Variants in DHODH observed in about 807,000 individuals in gnomAD.
The protein encoded by DHODH is dihydroorotate dehydrogenase (quinone).
DHODH carries 30 observed loss-of-function variants against 39.7 expected under a neutral mutation model. The observed-to-expected ratio is 0.76, with a 90% confidence interval of 0.57 to 1.02. DHODH has a LOEUF of 1.02. Among genes scored for constraint, DHODH ranks in the 50% least tolerant of loss-of-function variants. The pLI is 0.00. For missense variants in DHODH, 531 were observed against 520.8 expected (o/e 1.02, Z -0.19); for synonymous variants, 222 against 213.8 (o/e 1.04, Z -0.34).
At position 72,026,149 on chromosome 16, in the gene DHODH, T is replaced by TG. The variant is rs2041275024; in HGVS notation, c.*1953dup. On this transcript the variant is annotated 3_prime_UTR_variant, in exon 9 of 9. Transcript: ENST00000219240. ...CCCTGCGGGGTCACTTTCCTCAGCCTGGGCTCCGACATGCCACGTCAGGTG... is the reference window on the plus strand; with the variant it reads ...CCCTGCGGGGTCACTTTCCTCAGCCTGGGGCTCCGACATGCCACGTCAGGTG... 1.3e-5 allele frequency: 2 copies of TG among 152,462 alleles called. No individual in the cohort carries two copies. The highest frequency in any genetic ancestry group is 3.9e-4 in the East Asian group (2 of 5,180). 9.4% of individuals were successfully genotyped at this position (152,462 alleles called of 1,614,324 possible).
chr16:72,015,632 G>A, intron 3 of DHODH: 1 of 951,812 alleles, frequency 1.1e-6, no homozygotes, highest in South Asian at 4.9e-5. Context: ...TTGTTTCAGG[G>A]AAATTCTCCA....
intron 2 of DHODH, among the ~76,000 whole-genome samples, chr16:72,012,921 T>C (rs1395580524): frequency 6.6e-6 from 1 of 152,174 alleles, no homozygotes; most frequent in Admixed American, 6.5e-5. Flanking sequence ...AGGGCCTCTG[T>C]TTCATGTGAC....
chr16:72,023,311 C>T lies in DHODH; in HGVS notation c.966C>T (p.Leu322=). 6.2e-7 allele frequency: 1 copy of T among 1,614,172 alleles called. No homozygotes were observed. The highest frequency in any genetic ancestry group is 8.5e-7 in the Non-Finnish European group (1 of 1,180,046). ...AAACCATTCGGGAGATGTATGCACT[C>T]ACCCAAGGCAAGGTTTCCCGTGTTT... ...STQTIREMYA[L]TQGRVPIIGV... Residue 322 remains leucine, a synonymous_variant, in exon 7 of 9, where the codon CTC becomes CTT. Coordinates refer to ENST00000219240, the MANE Select transcript of DHODH (RefSeq NM_001361.5).
At chr16:72,021,956 G>C (rs1191311281) in intron 5 of DHODH, among the ~76,000 whole-genome samples, 1 of 152,110 alleles carries the variant, frequency 6.6e-6, no homozygotes, top group Admixed American at 6.5e-5. Context: ...AGCTGGGCAT[G>C]GTGGTGCACA....
In DHODH at chr16:72,023,462, G is replaced by C; in HGVS notation, c.974-12G>C. 6.2e-7 allele frequency: 1 copy of C among 1,614,164 alleles called. No individual in the cohort carries two copies. Among genetic ancestry groups the C allele is most frequent in the Non-Finnish European group, 8.5e-7 (1 of 1,180,044 alleles). ...ATCCTTCTTTATGGTGTCGCCATGT[G>C]CTTCTCTGTAGGCCGAGTTCCCATA... On this transcript the variant is annotated splice_polypyrimidine_tract_variant and intron_variant, in intron 7 of 8. Coordinates refer to ENST00000219240, the MANE Select transcript of DHODH (RefSeq NM_001361.5).
At position 72,024,313 on chromosome 16, in the gene DHODH, G is replaced by A; in HGVS notation, c.*114G>A. 1 of 1,163,944 alleles carries A rather than the reference G, an allele frequency of 8.6e-7. No individual in the cohort carries two copies. The highest frequency in any genetic ancestry group is 1.3e-6 in the Non-Finnish European group (1 of 783,118). 72.1% of individuals were successfully genotyped at this position (1,163,944 alleles called of 1,614,324 possible). A position where few individuals can be genotyped will look rare whatever the true frequency, so the allele number is the denominator to read the frequency against. ...TCTTGAGCCATGTCCCCCAGCCATGGCATGGCTGCACTGTAAACGCCAATC... is the reference window on the plus strand; with the variant it reads ...TCTTGAGCCATGTCCCCCAGCCATGACATGGCTGCACTGTAAACGCCAATC... On this transcript the variant is annotated 3_prime_UTR_variant, in exon 9 of 9. Transcript: ENST00000219240.
At position 72,014,684 on chromosome 16, in the gene DHODH, G is replaced by A. The variant is rs2041121178; in HGVS notation, c.434+12G>A. ...GCTGTCATTAACAGGTAGGTGAGCG[G>A]CCCAGAGTTAACGGGGGATGCCCTC... On this transcript the variant is annotated intron_variant, in intron 3 of 8. Transcript: ENST00000219240. 6.2e-7 allele frequency: 1 copy of A among 1,613,684 alleles called. No individual in the cohort carries two copies. The highest frequency in any genetic ancestry group is 1.3e-5 in the African/African-American group (1 of 74,920).
At chr16:72,017,670 G>C (rs184666382) in intron 4 of DHODH, among the ~76,000 whole-genome samples, 1 of 152,046 alleles carries the variant, frequency 6.6e-6, no homozygotes, top group East Asian at 1.9e-4. Context: ...TCAATACTTT[G>C]GGTGCCCAAG....
Position 72,012,264 on chromosome 16 carries a change from T to C in DHODH, c.234+2T>C. On this transcript the variant is annotated splice_donor_variant, in intron 2 of 8. Transcript: ENST00000219240. LOFTEE classifies it high-confidence loss of function. Reference sequence around the variant, plus strand: ...AGATTTCAAGACTCTGACATGCTGGTAGTGCTCCCAGACACCCTATACATT... The same window carrying C: ...AGATTTCAAGACTCTGACATGCTGGCAGTGCTCCCAGACACCCTATACATT... 6.2e-7 allele frequency: 1 copy of C among 1,613,872 alleles called. No individual in the cohort carries two copies. Among genetic ancestry groups the C allele is most frequent in the Non-Finnish European group, 8.5e-7 (1 of 1,179,834 alleles).
chr16:72,021,141 G>A lies in DHODH; in HGVS notation c.535G>A (p.Val179Ile), dbSNP rs1459723454. 6.2e-7 allele frequency: 1 copy of A among 1,607,820 alleles called. No individual in the cohort carries two copies. Among genetic ancestry groups the A allele is most frequent in the Admixed American group, 1.7e-5 (1 of 59,228 alleles). The stretch of plus-strand genomic sequence containing the variant: ...GTTTGCAGATGGACTGCCTCTGGGG[G>A]TCAACTTGGGGAAGAACAAGACCTC... ...KLTEDGLPLGVNLGKNKTSVD... is the reference protein window; with the variant it reads ...KLTEDGLPLGINLGKNKTSVD... Residue 179 changes from valine to isoleucine, a missense_variant, in exon 5 of 9, where the codon GTC (valine) becomes ATC (isoleucine). Physicochemically the swap from Val to Ile is conservative, Grantham distance 29 (BLOSUM62 3). Transcript: ENST00000219240.
At chr16:72,021,485 C>T (rs1315593980) in intron 5 of DHODH, among the ~76,000 whole-genome samples, 174 bp downstream of exon 5, 2 of 152,206 alleles carry the variant, frequency 1.3e-5, no homozygotes, top group African/African-American at 4.8e-5. Flanking sequence ...TCTCATGACA[C>T]TGATTATATG....
intron 2 of DHODH, 49 bp from the exon 3 acceptor site, chr16:72,014,424 A>G (rs2041116800): frequency 6.4e-7 from 1 of 1,563,166 alleles, no homozygotes; most frequent in Non-Finnish European, 8.8e-7. Context: ...GCTTTGAGAA[A>G]TACCGGGATA....
chr16:72,013,975 G>T (rs1180684088), intron 2 of DHODH, among the ~76,000 whole-genome samples: 2 of 152,180 alleles, frequency 1.3e-5, no homozygotes, highest in Admixed American at 6.5e-5. Context: ...GACGTGGCTG[G>T]GGCTTCTTGC....
intron 4 of DHODH, among the ~76,000 whole-genome samples, chr16:72,020,058 A>C (rs1017232469): frequency 6.6e-6 from 1 of 151,866 alleles, no homozygotes; most frequent in African/African-American, 2.4e-5. Flanking sequence ...TGGGCAGATC[A>C]TGAGGTCTGG....
rs1234459513 is a variant in DHODH at position 72,025,107 on chromosome 16, A to G, written c.*908A>G. 6.6e-6 allele frequency: 1 copy of G among 152,222 alleles called. No individual in the cohort carries two copies. The highest frequency in any genetic ancestry group is 1.5e-5 in the Non-Finnish European group (1 of 68,036). The allele number at this position is 152,222 out of a possible 1,614,324, so 9.4% of individuals were successfully genotyped here. A position where few individuals can be genotyped will look rare whatever the true frequency, so the allele number is the denominator to read the frequency against. On this transcript the variant is annotated 3_prime_UTR_variant, in exon 9 of 9. Transcript: ENST00000219240. ...TTCAGTGTTTCAGTCTGTATCTCCTAAGCATCCTGATGTTAGTTTTTTGAC... is the reference window on the plus strand; with the variant it reads ...TTCAGTGTTTCAGTCTGTATCTCCTGAGCATCCTGATGTTAGTTTTTTGAC...
At chr16:72,012,838 G>T (rs2041099325) in intron 2 of DHODH, among the ~76,000 whole-genome samples, 1 of 152,220 alleles carries the variant, frequency 6.6e-6, no homozygotes. Flanking sequence ...AGCCTCTAGG[G>T]CAGGAAGAGG....
At chr16:72,020,372 T>TATATATATGTATATATATATA (rs746414347) in intron 4 of DHODH, 1 of 70,890 alleles carries the variant, frequency 1.4e-5, no homozygotes, top group African/African-American at 6.6e-5. Context: ...TATATATATA[T>TATATATATGTATATATATATA]TTTTTTTTTT....
chr16:72,012,020 G>C (rs2041087049), intron 1 of DHODH, 30 bp from the exon 2 acceptor site: 1 of 1,606,986 alleles, frequency 6.2e-7, no homozygotes, highest in East Asian at 2.2e-5. Flanking sequence ...CCTGGCCTGG[G>C]GGACCCCCCT....
chr16:72,015,910 A>G, intron 3 of DHODH: 6 of 979,338 alleles, frequency 6.1e-6, no homozygotes, highest in Non-Finnish European at 7.3e-6. Context: ...AAGTCATCAG[A>G]TATGTGTGCC....
Sources: allele counts gnomAD v4.1 joint callset (sites outside exome capture counted in the v4.1 genomes callset), GRCh38; gene constraint gnomAD v4.1.1; transcripts MANE v1.5; gene names NCBI Gene and HGNC (gene_info 2026-07-23, HGNC 2026-07-21).